Variants in RPS6KA2 observed in about 807,000 individuals in gnomAD.
RPS6KA2 encodes the protein ribosomal protein S6 kinase A2, also known as ribosomal protein S6 kinase alpha-2.
In RPS6KA2, 42 loss-of-function variants were observed where a neutral mutation model predicts 91.8. That is an observed-to-expected ratio of 0.46 (90% confidence interval 0.36 to 0.59). The LOEUF (loss-of-function observed/expected upper bound fraction) is 0.59. Among genes scored for constraint, RPS6KA2 ranks in the 20% least tolerant of loss-of-function variants. The pLI, the probability that RPS6KA2 is intolerant of heterozygous loss-of-function variation, is 0.00. For missense variants in RPS6KA2, 798 were observed against 978.5 expected, an observed-to-expected ratio of 0.82 and a Z score of 2.46; for synonymous variants, 414 against 393.6, an observed-to-expected ratio of 1.05 and a Z score of -0.61.
intron 2 of RPS6KA2, among the ~76,000 whole-genome samples, chr6:166,685,771 C>T (rs1338753560): frequency 6.6e-6 from 1 of 152,218 alleles, no homozygotes; most frequent in East Asian, 1.9e-4. Flanking sequence ...CAGCCAGGTA[C>T]TTGGTGCCCT....
chr6:166,808,473 C>T (rs1025708720), intron 2 of RPS6KA2, among the ~76,000 whole-genome samples: 14 of 152,180 alleles, frequency 9.2e-5, no homozygotes, highest in African/African-American at 3.1e-4. Flanking sequence ...AGCATGAACC[C>T]GCCAGGGCAG....
At chr6:166,778,453 C>T (rs945513931) in intron 2 of RPS6KA2, among the ~76,000 whole-genome samples, 6 of 152,230 alleles carry the variant, frequency 3.9e-5, no homozygotes, top group East Asian at 1.9e-4. Context: ...CAACTCAGAA[C>T]GCCATACATT....
intron 2 of RPS6KA2, among the ~76,000 whole-genome samples, chr6:166,697,083 TTGTA>T (rs1215879202): frequency 7.4e-6 from 1 of 134,518 alleles, no homozygotes; most frequent in African/African-American, 3.3e-5. Context: ...GTGTGTGTAT[TTGTA>T]TGTGTGTATA....
chr6:166,587,481 G>A (rs756917643), intron 1 of RPS6KA2, among the ~76,000 whole-genome samples: 13 of 152,144 alleles, frequency 8.5e-5, no homozygotes, highest in Admixed American at 2.0e-4. Context: ...GTGGTTGTGA[G>A]AAATAAATGA....
At chr6:166,734,261 C>G (rs748925728) in intron 2 of RPS6KA2, among the ~76,000 whole-genome samples, 25 of 152,192 alleles carry the variant, frequency 1.6e-4, no homozygotes, top group Non-Finnish European at 3.1e-4. Context: ...CCCGAGCACT[C>G]TTGCCTCGTA....
At chr6:166,510,544 T>TTC (rs71771753) in intron 3 of RPS6KA2, among the ~76,000 whole-genome samples, 187 bp from the exon 4 acceptor site, 14 of 81,874 alleles carry the variant, frequency 1.7e-4, no homozygotes, top group South Asian at 4.7e-4. Context: ...TACATTTGCT[T>TTC]TCTCTCTCTC....
intron 10 of RPS6KA2, among the ~76,000 whole-genome samples, chr6:166,487,533 A>G (rs1243839776): frequency 1.3e-5 from 2 of 152,222 alleles, no homozygotes; most frequent in African/African-American, 4.8e-5. Flanking sequence ...GTAGAGTGGA[A>G]TAAAATATCT....
chr6:166,490,569 C>T lies in RPS6KA2; in HGVS notation c.818+102G>A, dbSNP rs1412476932. ...CTTACAATACTTTGGCACTGTAAGC[C>T]TAGCAATGTAATTAAAACTTCACAG... On this transcript the variant is annotated intron_variant, in intron 9 of 20. Coordinates refer to ENST00000265678, the MANE Select transcript of RPS6KA2 (RefSeq NM_021135.6). This position sits in a 1 kb window ranked among gnomAD's most constrained non-coding sequence, Gnocchi z 4.2. The T allele has an allele frequency of 3.7e-6, 3 of 819,836 alleles. No individual in the cohort carries two copies. The highest frequency in any genetic ancestry group is 1.7e-5 in the African/African-American group (1 of 58,454). The allele number at this position is 819,836 out of a possible 1,614,324, so 50.8% of individuals were successfully genotyped here.
intron 2 of RPS6KA2, among the ~76,000 whole-genome samples, chr6:166,646,527 C>A (rs1317378039): frequency 1.3e-5 from 2 of 152,366 alleles, no homozygotes; most frequent in East Asian, 3.9e-4. Flanking sequence ...ATCTGTGCAG[C>A]GCAAGGGCCC....
intron 1 of RPS6KA2, among the ~76,000 whole-genome samples, chr6:166,615,959 A>G (rs1030105950): frequency 6.6e-6 from 1 of 152,168 alleles, no homozygotes; most frequent in South Asian, 2.1e-4. Flanking sequence ...TTCTCATTCA[A>G]TGGAATTCAG....
At chr6:166,772,569 A>G (rs1196567456) in intron 2 of RPS6KA2, among the ~76,000 whole-genome samples, 1 of 152,218 alleles carries the variant, frequency 6.6e-6, no homozygotes, top group Non-Finnish European at 1.5e-5. Flanking sequence ...CCGGTGGAAC[A>G]TAAATGACGC....
intron 10 of RPS6KA2, among the ~76,000 whole-genome samples, chr6:166,475,331 C>T (rs113778561): frequency 7.9e-5 from 12 of 152,250 alleles, no homozygotes; most frequent in Non-Finnish European, 1.5e-4. Context: ...ACTGCGTACT[C>T]CCGAGCGTGG....
Position 166,832,051 on chromosome 6 carries a change from T to C in RPS6KA2, c.123+26149A>G, listed in dbSNP as rs1305237034. Among the ~76,000 whole-genome samples, 3 of 143,384 alleles carry C rather than the reference T, an allele frequency of 2.1e-5. No individual in the cohort carries two copies. In the East Asian group the frequency reaches 5.8e-4, roughly 28 times the overall value. 94.1% of individuals were successfully genotyped at this position (143,384 alleles called of 152,430 possible). A position where few individuals can be genotyped will look rare whatever the true frequency, so the allele number is the denominator to read the frequency against. ...AGATGATACATGATAGATAGATAGA[T>C]AGATAGATAGATAGATAGATAGATA... On this transcript the variant is annotated intron_variant, in intron 2 of 21. Coordinates refer to the RPS6KA2 transcript ENST00000503859.
intron 11 of RPS6KA2, among the ~76,000 whole-genome samples, chr6:166,466,959 C>G (rs1780553462): frequency 6.6e-6 from 1 of 151,908 alleles, no homozygotes; most frequent in Non-Finnish European, 1.5e-5. Context: ...AACTCACTCC[C>G]TTACTCATTC....
intron 2 of RPS6KA2, among the ~76,000 whole-genome samples, chr6:166,781,316 A>T (rs1171165416): frequency 6.6e-6 from 1 of 152,198 alleles, no homozygotes; most frequent in East Asian, 1.9e-4. Flanking sequence ...GTTCAAGATG[A>T]CTTCTTAACG....
chr6:166,440,114 C>T (rs1779472546), intron 14 of RPS6KA2: 1 of 152,202 alleles, frequency 6.6e-6, no homozygotes, highest in African/African-American at 2.4e-5. Context: ...ACAATAAGCT[C>T]AGGTTGTTTT....
At chr6:166,857,088 G>A (rs767026085) in intron 2 of RPS6KA2, among the ~76,000 whole-genome samples, 11 of 152,310 alleles carry the variant, frequency 7.2e-5, no homozygotes, top group South Asian at 4.1e-4. Context: ...CTATGTCATC[G>A]GATCATAAGA....
At chr6:166,436,641 G>A (rs1379104201) in intron 14 of RPS6KA2, among the ~76,000 whole-genome samples, 2 of 152,258 alleles carry the variant, frequency 1.3e-5, no homozygotes, top group Non-Finnish European at 2.9e-5. Flanking sequence ...GGAGCCAGAG[G>A]CATGGAAGTG....
At chr6:166,577,230 A>C (rs1305386847) in intron 1 of RPS6KA2, among the ~76,000 whole-genome samples, 1 of 152,228 alleles carries the variant, frequency 6.6e-6, no homozygotes, top group Admixed American at 6.5e-5. Context: ...TGCAGAAGGG[A>C]AATGTGGGGT....
Sources: allele counts gnomAD v4.1 joint callset (sites outside exome capture counted in the v4.1 genomes callset), GRCh38; gene constraint gnomAD v4.1.1; non-coding constraint Gnocchi (gnomAD v3.1); transcripts MANE v1.5; gene names NCBI Gene and HGNC (gene_info 2026-07-23, HGNC 2026-07-21).